Variants in LRP12 observed in about 807,000 individuals in gnomAD.
LRP12 encodes low-density lipoprotein receptor-related protein 12.
In LRP12, 14 loss-of-function variants were observed where a neutral mutation model predicts 66.0. The observed-to-expected ratio is 0.21, with a 90% CI of 0.14 to 0.33. The LOEUF (loss-of-function observed/expected upper bound fraction) is 0.33. LRP12 is among the 10% of genes least tolerant of loss of function. The pLI, the probability that LRP12 is intolerant of heterozygous loss-of-function variation, is 1.00. For missense variants in LRP12, 889 were observed against 1,053.4 expected (o/e 0.84, Z 2.16); for synonymous variants, 357 against 359.1 (o/e 0.99, Z 0.07).
intron 1 of LRP12, among the ~76,000 whole-genome samples, chr8:104,575,375 A>G (rs1251150213): frequency 6.6e-6 from 1 of 152,222 alleles, no homozygotes; most frequent in Non-Finnish European, 1.5e-5. Flanking sequence ...TGGCACTGCT[A>G]GTGCTCTGCC....
chr8:104,523,263 T>A (rs907672954), intron 2 of LRP12, among the ~76,000 whole-genome samples: 1 of 151,972 alleles, frequency 6.6e-6, no homozygotes, highest in African/African-American at 2.4e-5. Flanking sequence ...TGAAAAAAAA[T>A]TAGGTATATC....
intron 1 of LRP12, among the ~76,000 whole-genome samples, chr8:104,551,533 G>A (rs969497399): frequency 2.0e-5 from 3 of 152,050 alleles, no homozygotes; most frequent in Non-Finnish European, 4.4e-5. Flanking sequence ...CCTACCTCTA[G>A]TAGTCCCCAG....
intron 1 of LRP12, among the ~76,000 whole-genome samples, chr8:104,534,068 CAAAA>C (rs35546158): frequency 7.4e-6 from 1 of 135,864 alleles, no homozygotes; most frequent in Non-Finnish European, 1.6e-5. Flanking sequence ...TTTATAATAG[CAAAA>C]AAAAAAAAAA....
intron 2 of LRP12, among the ~76,000 whole-genome samples, chr8:104,525,927 A>G (rs1811230782): frequency 6.6e-6 from 1 of 152,186 alleles, no homozygotes; most frequent in African/African-American, 2.4e-5. Context: ...GTGTATCTAG[A>G]AAACCCCACT....
At chr8:104,546,807 C>A (rs1386777498) in intron 1 of LRP12, among the ~76,000 whole-genome samples, 1 of 150,384 alleles carries the variant, frequency 6.6e-6, no homozygotes, top group South Asian at 2.1e-4. Flanking sequence ...TGCCCAGTGC[C>A]CACTACCTTC....
At chr8:104,567,439 C>T (rs1257351385) in intron 1 of LRP12, among the ~76,000 whole-genome samples, 3 of 152,192 alleles carry the variant, frequency 2.0e-5, no homozygotes, top group African/African-American at 4.8e-5. Flanking sequence ...GATTTAATGA[C>T]CTCCCCCGGG....
chr8:104,584,857 T>G (rs1404014621), intron 1 of LRP12, among the ~76,000 whole-genome samples: 2 of 152,236 alleles, frequency 1.3e-5, no homozygotes, highest in African/African-American at 2.4e-5. Flanking sequence ...TCCCTCATGT[T>G]CCAGTTACTT....
intron 2 of LRP12, among the ~76,000 whole-genome samples, chr8:104,510,019 C>G (rs1364060442): frequency 6.6e-6 from 1 of 152,204 alleles, no homozygotes; most frequent in Non-Finnish European, 1.5e-5. Context: ...AATAAGAGTT[C>G]AAGATTACTG....
intron 1 of LRP12, among the ~76,000 whole-genome samples, chr8:104,569,336 T>G (rs141171187): frequency 9.2e-5 from 14 of 152,260 alleles, no homozygotes; most frequent in African/African-American, 3.4e-4. Context: ...TATTTTGGAA[T>G]TAGATAGTGG....
At chr8:104,584,279 T>TA (rs1812297299) in intron 1 of LRP12, among the ~76,000 whole-genome samples, 1 of 151,922 alleles carries the variant, frequency 6.6e-6, no homozygotes. Context: ...ATATCTAAAA[T>TA]AAAAATATTC....
chr8:104,498,784 T>C (rs1810778485), intron 4 of LRP12, among the ~76,000 whole-genome samples: 1 of 152,224 alleles, frequency 6.6e-6, no homozygotes, highest in Non-Finnish European at 1.5e-5. Context: ...ATTCAATTTG[T>C]TAAATACTTA....
intron 1 of LRP12, among the ~76,000 whole-genome samples, chr8:104,572,436 C>A (rs1254256381): frequency 6.6e-6 from 1 of 151,996 alleles, no homozygotes; most frequent in African/African-American, 2.4e-5. Context: ...TAAAAATAAA[C>A]AACCAGCTAA....
rs771045603 is a variant in LRP12 at position 104,497,649 on chromosome 8, G to A, written c.903C>T (p.Phe301=). The part of the protein sequence containing the change: ...TGDHRKVILR[F]TDFKLDGTGY... The stretch of plus-strand genomic sequence containing the variant: ...CAGTACCATCAAGTTTAAAGTCAGT[G>A]AAGCGTAAAATGACTTTACGGTGAT... The change falls in exon 5 of 7, where the codon TTC becomes TTT. Residue 301 remains phenylalanine (F), a synonymous_variant. Coordinates refer to ENST00000276654, the MANE Select transcript of LRP12 (RefSeq NM_013437.5). This position sits in a 1 kb window ranked among gnomAD's most constrained non-coding sequence, Gnocchi z 4.3. 9.3e-6 allele frequency: 15 copies of A among 1,613,922 alleles called. No homozygotes were observed. The South Asian group carries it at 1.5e-4, about 17-fold the overall frequency.
intron 2 of LRP12, among the ~76,000 whole-genome samples, chr8:104,517,113 A>G (rs1811081320): frequency 6.6e-6 from 1 of 151,510 alleles, no homozygotes; most frequent in African/African-American, 2.4e-5. Context: ...TCATGTTCTC[A>G]TGGAAATTAT....
intron 1 of LRP12, among the ~76,000 whole-genome samples, chr8:104,539,948 G>T (rs2140869602): frequency 6.6e-6 from 1 of 152,212 alleles, no homozygotes; most frequent in Middle Eastern, 3.4e-3. Context: ...AATATAGTTT[G>T]CCAAAAAGGC....
intron 1 of LRP12, among the ~76,000 whole-genome samples, chr8:104,579,841 A>G (rs1452325272): frequency 6.6e-6 from 1 of 152,222 alleles, no homozygotes; most frequent in African/African-American, 2.4e-5. Context: ...AGGATTCCTT[A>G]TTCAATAAAT....
chr8:104,494,158 TA>T (rs1010651936), intron 6 of LRP12, among the ~76,000 whole-genome samples: 1 of 151,216 alleles, frequency 6.6e-6, no homozygotes, highest in African/African-American at 2.4e-5. Context: ...GATTCTTACC[TA>T]AAAAAAAACT....
chr8:104,528,088 T>G (rs1298714321), intron 2 of LRP12, among the ~76,000 whole-genome samples: 1 of 152,150 alleles, frequency 6.6e-6, no homozygotes, highest in Non-Finnish European at 1.5e-5. Context: ...AATATATTAT[T>G]TCGCTTTCAA....
chr8:104,503,526 A>G (rs747706312), intron 3 of LRP12, among the ~76,000 whole-genome samples: 1 of 152,076 alleles, frequency 6.6e-6, no homozygotes, highest in Non-Finnish European at 1.5e-5. Context: ...CTGTTGACAT[A>G]TTTGTGCTCT....
Sources: allele counts gnomAD v4.1 joint callset (sites outside exome capture counted in the v4.1 genomes callset), GRCh38; gene constraint gnomAD v4.1.1; non-coding constraint Gnocchi (gnomAD v3.1); transcripts MANE v1.5; gene names NCBI Gene and HGNC (gene_info 2026-07-23, HGNC 2026-07-21).